Variants in LETMD1 observed in about 807,000 individuals in gnomAD.
LETMD1 encodes LETM1 domain-containing protein 1.
LETMD1 carries 30 observed loss-of-function variants against 43.9 expected under a neutral mutation model. The observed-to-expected ratio is 0.68, with a 90% CI of 0.51 to 0.93. The LOEUF is 0.93. Ranked by LOEUF, LETMD1 falls within the 40% of genes least tolerant of loss-of-function variation. The pLI is 0.00. For missense variants in LETMD1, 413 were observed against 447.7 expected (o/e 0.92, Z 0.70); for synonymous variants, 176 against 163.1 (o/e 1.08, Z -0.60).
In LETMD1 at chr12:51,058,051, TG is replaced by T. The variant is rs750338280; in HGVS notation, c.936del (p.Asn313IlefsTer24). On this transcript the variant is annotated frameshift_variant, in exon 8 of 9. Transcript: ENST00000262055. LOFTEE classifies it high-confidence loss of function. The stretch of plus-strand genomic sequence containing the variant: ...GTATAGGCTTGTTATCTCCGTGGCC[TG>T]AATTCTACGCATATTGGTGAAGATA... ...EVKSACYLRG[L>X]NSTHIGEDRC... 1.2e-6 allele frequency: 2 copies of T among 1,612,760 alleles called. No homozygotes were observed. The highest frequency in any genetic ancestry group is 4.5e-5 in the East Asian group (2 of 44,892).
downstream of LETMD1, chr12:51,064,202 C>T (rs1309561209): frequency 3.1e-6 from 5 of 1,614,162 alleles, no homozygotes; most frequent in South Asian, 4.4e-5. Flanking sequence ...CGGTAAAACA[C>T]AGGACAGAGG....
At chr12:51,057,133 G>T (rs1352113013) in intron 7 of LETMD1, among the ~76,000 whole-genome samples, 1 of 152,094 alleles carries the variant, frequency 6.6e-6, no homozygotes, top group Non-Finnish European at 1.5e-5. Context: ...AGGTACTTGG[G>T]AGGCTGAGAC....
At chr12:51,056,626 A>T (rs866189215) in intron 7 of LETMD1, 124 bp downstream of exon 7, 1 of 738,562 alleles carries the variant, frequency 1.4e-6, no homozygotes, top group Middle Eastern at 2.8e-4. Context: ...TTATTCTCTC[A>T]CTTCATTTAT....
chr12:51,067,923 G>A, the LETMD1 span: 11 of 1,613,958 alleles, frequency 6.8e-6, no homozygotes, highest in South Asian at 1.1e-5. This position sits in a 1 kb window ranked among gnomAD's most constrained non-coding sequence, Gnocchi z 4.1. Flanking sequence ...ATCATCCAGC[G>A]TCAGGCCATC....
chr12:51,050,516 CGGCCAACT>C (rs1377846394), intron 2 of LETMD1, among the ~76,000 whole-genome samples: 3 of 151,594 alleles, frequency 2.0e-5, no homozygotes, highest in Non-Finnish European at 4.4e-5. Context: ...CCACCGCGCC[CGGCCAACT>C]ATTATGGAAA....
chr12:51,049,425 T>G (rs994014370), intron 2 of LETMD1: 1 of 431,310 alleles, frequency 2.3e-6, no homozygotes, highest in Non-Finnish European at 4.2e-6. Context: ...AATATAGGTA[T>G]GTTCTCGTAC....
chr12:51,059,371 GTCTC>G lies in LETMD1; in HGVS notation c.1027_1030del (p.Leu343CysfsTer19). The G allele has an allele frequency of 6.2e-7, 1 of 1,614,192 alleles. No individual in the cohort carries two copies. Among genetic ancestry groups the G allele is most frequent in the Non-Finnish European group, 8.5e-7 (1 of 1,179,990 alleles). On this transcript the variant is annotated frameshift_variant, in exon 9 of 9. Coordinates refer to ENST00000262055, the MANE Select transcript of LETMD1 (RefSeq NM_015416.5). LOFTEE classifies it high-confidence loss of function. Reference sequence around the variant, plus strand: ...ACACTGTGTTTTCAGAAGCTGAGCTGTCTCTCTTGCTGCACAACGTGGTCCTGCT... The same window carrying G: ...ACACTGTGTTTTCAGAAGCTGAGCTGTCTTGCTGCACAACGTGGTCCTGCT...
chr12:51,067,752 C>T, the LETMD1 span: 3 of 1,614,168 alleles, frequency 1.9e-6, no homozygotes, highest in African/African-American at 1.3e-5. The surrounding 1 kb of genome is among the most constrained non-coding windows in gnomAD (Gnocchi z 4.1). Flanking sequence ...ACATTCTTCC[C>T]GTGACAGGCG....
chr12:51,048,509 TG>T (rs1215231825), intron 1 of LETMD1, 31 bp downstream of exon 1: 2 of 1,609,322 alleles, frequency 1.2e-6, no homozygotes, highest in African/African-American at 1.3e-5. Flanking sequence ...AAAGCATTTT[TG>T]ACGTCCAGGC....
intron 2 of LETMD1, among the ~76,000 whole-genome samples, chr12:51,049,853 T>G (rs1945477212): frequency 6.6e-6 from 1 of 152,220 alleles, no homozygotes; most frequent in Non-Finnish European, 1.5e-5. Flanking sequence ...TTGATACATG[T>G]AAAGTACCTA....
chr12:51,048,316 C>T (rs1944881028), upstream of LETMD1: 1 of 1,613,648 alleles, frequency 6.2e-7, no homozygotes, highest in Non-Finnish European at 8.5e-7. Flanking sequence ...TAACTTTGAC[C>T]CAAAGACAAC....
chr12:51,048,300 T>C (rs779693565), upstream of LETMD1: 25 of 1,612,620 alleles, frequency 1.6e-5, no homozygotes, highest in Non-Finnish European at 2.1e-5. Flanking sequence ...GAACGCGACG[T>C]ACGGTTAACT....
At chr12:51,058,831 C>G (rs1004127210) in intron 8 of LETMD1, 1 of 165,304 alleles carries the variant, frequency 6.0e-6, no homozygotes, top group African/African-American at 2.4e-5. Context: ...TGTCTCTAGA[C>G]ATTGCCAAAT....
At chr12:51,048,286 G>T, upstream of LETMD1, 2 of 1,607,816 alleles carry the variant, frequency 1.2e-6, no homozygotes, top group South Asian at 2.2e-5. Context: ...ATGCGTCTTC[G>T]AACGAACGCG....
At chr12:51,057,297 A>G (rs1196822803) in intron 7 of LETMD1, among the ~76,000 whole-genome samples, 2 of 152,030 alleles carry the variant, frequency 1.3e-5, no homozygotes, top group South Asian at 2.1e-4. Context: ...GGGTCTCACT[A>G]TGTTGCCCAG....
At chr12:51,068,738 A>G in the LETMD1 span, among the ~76,000 whole-genome samples, 10 of 152,214 alleles carry the variant, frequency 6.6e-5, no homozygotes, top group African/African-American at 2.2e-4. Context: ...GAAAAATGTG[A>G]AACACCCTTC....
the LETMD1 span, chr12:51,067,542 T>C: frequency 6.2e-6 from 5 of 808,692 alleles, no homozygotes; most frequent in Admixed American, 2.6e-5. The surrounding 1 kb of genome is among the most constrained non-coding windows in gnomAD (Gnocchi z 4.1). Flanking sequence ...CGGAGGAGGG[T>C]TGTGGAACTG....
At chr12:51,067,004 ATT>A in the LETMD1 span, among the ~76,000 whole-genome samples, 1 of 141,554 alleles carries the variant, frequency 7.1e-6, no homozygotes, top group Non-Finnish European at 1.5e-5. The surrounding 1 kb of genome is among the most constrained non-coding windows in gnomAD (Gnocchi z 4.1). Flanking sequence ...TAATTTTTGT[ATT>A]TTTTGTAAAG....
rs1948683021 is a variant in LETMD1, at chr12:51,059,847, A to G, written c.*416A>G. 5.7e-6 allele frequency: 1 copy of G among 175,522 alleles called. No individual in the cohort carries two copies. The highest frequency in any genetic ancestry group is 1.2e-5 in the Non-Finnish European group (1 of 81,942). 10.9% of individuals were successfully genotyped at this position (175,522 alleles called of 1,614,324 possible). A position where few individuals can be genotyped will look rare whatever the true frequency, so the allele number is the denominator to read the frequency against. ...TGTGGGTTTTTGTTGTTGCTGTTAG[A>G]AAATTTGTGGCTGGTGAAAACAGCA... On this transcript the variant is annotated 3_prime_UTR_variant, in exon 9 of 9. Coordinates refer to ENST00000262055, the MANE Select transcript of LETMD1 (RefSeq NM_015416.5).
Sources: gnomAD v4.1 joint callset for allele counts (sites outside exome capture counted in the v4.1 genomes callset) on GRCh38, gnomAD v4.1.1 for gene constraint, Gnocchi (gnomAD v3.1) non-coding constraint, MANE v1.5 for transcripts, NCBI Gene and HGNC (gene_info 2026-07-23, HGNC 2026-07-21) for gene names.